The following EPHA6 variants were observed in gnomAD, a reference collection of about 807,000 sequenced individuals.
EPHA6 encodes ephrin type-A receptor 6.
EPHA6 carries 50 observed loss-of-function variants against 112.0 expected under a neutral mutation model. The observed-to-expected ratio is 0.45, with a 90% CI of 0.36 to 0.56. The LOEUF is 0.56. Ranked by LOEUF, EPHA6 falls within the 20% of genes least tolerant of loss-of-function variation. EPHA6 has a pLI of 0.00. For missense variants in EPHA6, 1,280 were observed against 1,417.4 expected (o/e 0.90, Z 1.56); for synonymous variants, 529 against 490.7 (o/e 1.08, Z -1.03).
At chr3:97,666,999 T>G (rs927385595) in intron 14 of EPHA6, among the ~76,000 whole-genome samples, 1 of 152,218 alleles carries the variant, frequency 6.6e-6, no homozygotes, top group African/African-American at 2.4e-5. Flanking sequence ...TTTAAGTACT[T>G]TCTCATCTAC....
intron 4 of EPHA6, among the ~76,000 whole-genome samples, chr3:97,232,235 T>A (rs1219783779): frequency 6.6e-6 from 1 of 152,186 alleles, no homozygotes; most frequent in Non-Finnish European, 1.5e-5. Context: ...CATACTGTTG[T>A]CACAATGATT....
intron 1 of EPHA6, among the ~76,000 whole-genome samples, chr3:96,857,665 T>C (rs544798564): frequency 2.9e-4 from 44 of 152,248 alleles, no homozygotes; most frequent in African/African-American, 9.9e-4. Flanking sequence ...TTTTTTTAAG[T>C]CTTCACATTT....
intron 3 of EPHA6, among the ~76,000 whole-genome samples, chr3:97,124,253 A>AAG (rs1168911723): frequency 6.6e-6 from 1 of 152,030 alleles, no homozygotes; most frequent in Non-Finnish European, 1.5e-5. Flanking sequence ...ACTCCATAGC[A>AAG]AGACATCTTT....
chr3:96,951,814 T>A (rs937039123), intron 2 of EPHA6, among the ~76,000 whole-genome samples: 1 of 152,126 alleles, frequency 6.6e-6, no homozygotes, highest in Admixed American at 6.5e-5. Flanking sequence ...CACTATAGAG[T>A]ATGTTATTTA....
intron 16 of EPHA6, among the ~76,000 whole-genome samples, chr3:97,742,325 T>C (rs141928611): frequency 1.3e-5 from 2 of 152,250 alleles, no homozygotes; most frequent in East Asian, 3.9e-4. Flanking sequence ...AGCAGGCTTT[T>C]CTTAAGGTTC....
chr3:97,036,121 C>T (rs896301274), intron 3 of EPHA6, among the ~76,000 whole-genome samples: 6 of 151,904 alleles, frequency 3.9e-5, no homozygotes, highest in Admixed American at 1.3e-4. Flanking sequence ...CTCAGCCTCC[C>T]GAACTGTGAA....
chr3:97,619,835 T>C (rs190402628), intron 13 of EPHA6, among the ~76,000 whole-genome samples: 2 of 152,164 alleles, frequency 1.3e-5, no homozygotes, highest in Non-Finnish European at 2.9e-5. Context: ...AAAGTGGCCA[T>C]ACTGCCCAAA....
intron 3 of EPHA6, among the ~76,000 whole-genome samples, chr3:97,108,597 G>A (rs1351055309): frequency 2.0e-5 from 3 of 152,142 alleles, no homozygotes; most frequent in Admixed American, 6.6e-5. Flanking sequence ...ATGAAGGGAC[G>A]ATTTTTCAGT....
intron 1 of EPHA6, among the ~76,000 whole-genome samples, chr3:96,845,829 G>A (rs952367761): frequency 2.6e-5 from 4 of 151,818 alleles, no homozygotes; most frequent in African/African-American, 9.7e-5. Context: ...TTATAGGTCC[G>A]GGATATATTG....
intron 3 of EPHA6, among the ~76,000 whole-genome samples, chr3:97,068,498 T>C (rs1048073636): frequency 6.6e-6 from 1 of 152,046 alleles, no homozygotes; most frequent in Non-Finnish European, 1.5e-5. Flanking sequence ...GATGAATAAA[T>C]TGCCTTTGTC....
intron 2 of EPHA6, among the ~76,000 whole-genome samples, chr3:96,971,527 C>T (rs758227210): frequency 9.9e-5 from 15 of 152,142 alleles, no homozygotes; most frequent in Middle Eastern, 6.8e-3. Context: ...TAACTACATG[C>T]CTAGCAGCAG....
intron 5 of EPHA6, among the ~76,000 whole-genome samples, chr3:97,344,472 CCT>C (rs2083446149): frequency 6.6e-6 from 1 of 152,156 alleles, no homozygotes; most frequent in Admixed American, 6.5e-5. Flanking sequence ...GAGCTTGCTC[CCT>C]CTTTTTCTCT....
At chr3:97,467,183 T>G (rs1005234573) in intron 7 of EPHA6, among the ~76,000 whole-genome samples, 1 of 151,858 alleles carries the variant, frequency 6.6e-6, no homozygotes, top group Non-Finnish European at 1.5e-5. Context: ...ATCACAGTGC[T>G]TAGCAAATGG....
chr3:97,568,603 C>T (rs182537755), intron 11 of EPHA6, among the ~76,000 whole-genome samples: 8 of 152,232 alleles, frequency 5.3e-5, no homozygotes, highest in Non-Finnish European at 8.8e-5. Context: ...TTTTTCTTTC[C>T]CAGTGGTAAA....
intron 10 of EPHA6, among the ~76,000 whole-genome samples, chr3:97,501,593 A>G (rs372588404): frequency 1.2e-4 from 18 of 152,122 alleles, no homozygotes; most frequent in African/African-American, 3.4e-4. Context: ...TAAATAACTC[A>G]TGGGTTATTT....
chr3:97,198,128 A>T (rs1008183220), intron 3 of EPHA6, among the ~76,000 whole-genome samples: 6 of 152,034 alleles, frequency 3.9e-5, no homozygotes, highest in African/African-American at 1.4e-4. Context: ...AAAACCAGGT[A>T]CTATGGTCAC....
At chr3:97,512,980 A>G (rs927006114) in intron 10 of EPHA6, among the ~76,000 whole-genome samples, 3 of 152,202 alleles carry the variant, frequency 2.0e-5, no homozygotes, top group Non-Finnish European at 4.4e-5. Context: ...TTCTCAATTA[A>G]CTATTGAAAA....
chr3:96,938,035 G>A (rs1461141070), intron 2 of EPHA6, among the ~76,000 whole-genome samples: 2 of 152,022 alleles, frequency 1.3e-5, no homozygotes, highest in African/African-American at 2.4e-5. Context: ...TTGAAGTCAG[G>A]TAGTGTGATG....
intron 15 of EPHA6, among the ~76,000 whole-genome samples, chr3:97,724,204 T>C (rs2034652781): frequency 6.6e-6 from 1 of 152,162 alleles, no homozygotes; most frequent in Admixed American, 6.6e-5. Flanking sequence ...TATGAGTTTC[T>C]CCGTTCTGCA....
Sources: allele counts gnomAD v4.1 joint callset (sites outside exome capture counted in the v4.1 genomes callset), GRCh38; gene constraint gnomAD v4.1.1; transcripts MANE v1.5; gene names NCBI Gene and HGNC (gene_info 2026-07-23, HGNC 2026-07-21).